The following EGFR variants were observed in gnomAD, a reference collection of about 807,000 sequenced individuals.
EGFR encodes epidermal growth factor receptor.
In EGFR, 58 loss-of-function variants were observed where a neutral mutation model predicts 143.0. The ratio of observed to expected loss-of-function variants is 0.41; its 90% CI spans 0.33 to 0.50. The LOEUF (loss-of-function observed/expected upper bound fraction) is 0.50, where lower values mean the gene tolerates loss of function less well. Among genes scored for constraint, EGFR ranks in the 20% least tolerant of loss-of-function variants. EGFR has a pLI of 0.39. For missense variants in EGFR, 1,307 were observed against 1,579.0 expected (o/e 0.83, Z 2.92); for synonymous variants, 613 against 594.4 (o/e 1.03, Z -0.45).
chr7:55,185,187 C>G (rs1449811972), intron 20 of EGFR, among the ~76,000 whole-genome samples: 6 of 152,118 alleles, frequency 3.9e-5, no homozygotes, highest in Admixed American at 1.3e-4. Flanking sequence ...TGGGAGGAAT[C>G]CATATGAGAC....
intron 15 of EGFR, among the ~76,000 whole-genome samples, chr7:55,166,734 G>A (rs1786019934): frequency 7.5e-6 from 1 of 133,484 alleles, no homozygotes; most frequent in South Asian, 2.8e-4. Flanking sequence ...TCACAATGGT[G>A]GTAGTGATGA....
intron 1 of EGFR, among the ~76,000 whole-genome samples, chr7:55,090,338 G>A (rs11981175): frequency 0.19 from 28,966 of 151,930 alleles, 3,129 homozygotes; most frequent in African/African-American, 0.28. Context: ...CAGCGCTTGT[G>A]TGCTGATGAA....
intron 10 of EGFR, among the ~76,000 whole-genome samples, chr7:55,157,202 C>A (rs1486495073): frequency 5.3e-5 from 8 of 152,216 alleles, no homozygotes; most frequent in Non-Finnish European, 8.8e-5. Flanking sequence ...GGGCAAGCCT[C>A]GGGTCTATGA....
intron 14 of EGFR, among the ~76,000 whole-genome samples, chr7:55,164,717 C>T (rs556856321): frequency 3.9e-5 from 6 of 152,296 alleles, no homozygotes; most frequent in African/African-American, 1.4e-4. Flanking sequence ...GGGCACACAA[C>T]CTGAGCAGTG....
intron 23 of EGFR, 151 bp downstream of exon 23, chr7:55,199,014 C>T: frequency 9.7e-7 from 1 of 1,033,096 alleles, no homozygotes; most frequent in South Asian, 1.4e-5. Flanking sequence ...AATACCCCTT[C>T]AAGCATTCTT....
At chr7:55,111,783 A>G (rs1792507784) in intron 1 of EGFR, among the ~76,000 whole-genome samples, 1 of 152,230 alleles carries the variant, frequency 6.6e-6, no homozygotes, top group South Asian at 2.1e-4. Flanking sequence ...AATGACGTGT[A>G]AATACCACAT....
At chr7:55,102,233 C>T (rs1211220294) in intron 1 of EGFR, among the ~76,000 whole-genome samples, 1 of 152,186 alleles carries the variant, frequency 6.6e-6, no homozygotes, top group Non-Finnish European at 1.5e-5. Context: ...GAAAGATTCC[C>T]ACCTGCCCCT....
At chr7:55,132,510 G>T (rs2128920929) in intron 1 of EGFR, among the ~76,000 whole-genome samples, 1 of 152,332 alleles carries the variant, frequency 6.6e-6, no homozygotes, top group East Asian at 1.9e-4. Flanking sequence ...TAAATGGTGG[G>T]ACTATGTATT....
At chr7:55,051,506 G>A (rs1788486145) in intron 1 of EGFR, among the ~76,000 whole-genome samples, 1 of 152,022 alleles carries the variant, frequency 6.6e-6, no homozygotes, top group Admixed American at 6.6e-5. Flanking sequence ...TCTGCCGTGG[G>A]GTGACACAGC....
At chr7:55,057,029 G>A (rs1340623189) in intron 1 of EGFR, among the ~76,000 whole-genome samples, 2 of 152,200 alleles carry the variant, frequency 1.3e-5, no homozygotes, top group Non-Finnish European at 2.9e-5. Flanking sequence ...ACAAGGATGC[G>A]CAGCAAGGAA....
chr7:55,097,820 CAA>C (rs796598124), intron 1 of EGFR, among the ~76,000 whole-genome samples: 6 of 139,424 alleles, frequency 4.3e-5, no homozygotes, highest in Admixed American at 1.4e-4. Context: ...TCCCATTTGT[CAA>C]AAAAAAAAAA....
At chr7:55,045,025 A>G (rs2128871171) in intron 1 of EGFR, among the ~76,000 whole-genome samples, 1 of 152,348 alleles carries the variant, frequency 6.6e-6, no homozygotes, top group Admixed American at 6.5e-5. Context: ...CAAGCCATCC[A>G]GCTGGCATGA....
chr7:55,103,331 T>A (rs1369889534), intron 1 of EGFR, among the ~76,000 whole-genome samples: 1 of 152,260 alleles, frequency 6.6e-6, no homozygotes, highest in African/African-American at 2.4e-5. Flanking sequence ...GGTTGCTTTT[T>A]AAACTGATTT....
At chr7:55,160,044 G>A in intron 11 of EGFR, 95 bp from the exon 12 acceptor site, 2 of 1,309,942 alleles carry the variant, frequency 1.5e-6, no homozygotes, top group Non-Finnish European at 2.2e-6. Flanking sequence ...AAAGCAGTTT[G>A]TAGTCAATCA....
chr7:55,145,792 G>A (rs148680563), intron 3 of EGFR, among the ~76,000 whole-genome samples: 5 of 152,150 alleles, frequency 3.3e-5, no homozygotes, highest in Non-Finnish European at 5.9e-5. Flanking sequence ...ACTGTGTCAG[G>A]GTCTCCCTGG....
chr7:55,068,194 C>G (rs1055060645), intron 1 of EGFR, among the ~76,000 whole-genome samples: 1 of 152,144 alleles, frequency 6.6e-6, no homozygotes, highest in African/African-American at 2.4e-5. Context: ...TGGTTTGGCT[C>G]TTCTGTTTTA....
intron 1 of EGFR, among the ~76,000 whole-genome samples, chr7:55,050,929 C>G (rs1368496532): frequency 6.6e-6 from 1 of 152,224 alleles, no homozygotes; most frequent in Non-Finnish European, 1.5e-5. Context: ...CTCACTGTTC[C>G]TGCAGCACCT....
intron 22 of EGFR, among the ~76,000 whole-genome samples, chr7:55,193,075 G>C (rs1051251191): frequency 1.3e-5 from 2 of 152,078 alleles, no homozygotes; most frequent in Non-Finnish European, 2.9e-5. Flanking sequence ...TGGCAGGGTG[G>C]GGGGTATGGG....
chr7:55,170,669 C>T, intron 15 of EGFR: 1 of 1,592,524 alleles, frequency 6.3e-7, no homozygotes, highest in African/African-American at 1.3e-5. Flanking sequence ...CAGTGCCTCT[C>T]ACCCCAACTA....
Sources: allele counts gnomAD v4.1 joint callset (sites outside exome capture counted in the v4.1 genomes callset), GRCh38; gene constraint gnomAD v4.1.1; transcripts MANE v1.5; gene names NCBI Gene and HGNC (gene_info 2026-07-23, HGNC 2026-07-21).